ANKRD6: variants seen among roughly 807,000 people sequenced by gnomAD.
ANKRD6 encodes ankyrin repeat domain 6, also known as ankyrin repeat domain-containing protein 6.
In ANKRD6, 56 loss-of-function variants were observed where a neutral mutation model predicts 82.3. The observed-to-expected ratio is 0.68, with a 90% confidence interval of 0.55 to 0.85. ANKRD6 has a LOEUF of 0.85. Ranked by LOEUF, ANKRD6 falls within the 40% of genes least tolerant of loss-of-function variation. ANKRD6 has a pLI of 0.00. For missense variants in ANKRD6, 852 were observed against 907.6 expected, an observed-to-expected ratio of 0.94 and a Z score of 0.79; for synonymous variants, 347 against 352.1, an observed-to-expected ratio of 0.99 and a Z score of 0.16.
intron 9 of ANKRD6, 72 bp from the exon 10 acceptor site, chr6:89,621,850 G>A: frequency 6.8e-7 from 1 of 1,460,544 alleles, no homozygotes; most frequent in Non-Finnish European, 9.5e-7. Flanking sequence ...AGAGCCCCAG[G>A]TCCAAGGAGA....
intron 3 of ANKRD6, among the ~76,000 whole-genome samples, chr6:89,600,423 A>C (rs1796868608): frequency 6.6e-6 from 1 of 152,226 alleles, no homozygotes; most frequent in Non-Finnish European, 1.5e-5. Context: ...CCATATGCTC[A>C]GGGCTTGTTG....
intron 1 of ANKRD6, among the ~76,000 whole-genome samples, chr6:89,518,137 T>C (rs1215664491): frequency 2.0e-5 from 3 of 152,094 alleles, no homozygotes; most frequent in African/African-American, 7.2e-5. Flanking sequence ...GCGTGGTGGC[T>C]CACGCCTGTG....
chr6:89,595,098 T>A (rs371319722), intron 2 of ANKRD6, among the ~76,000 whole-genome samples: 8 of 152,242 alleles, frequency 5.3e-5, no homozygotes, highest in African/African-American at 1.9e-4. Flanking sequence ...TCATGGTGGC[T>A]CATGCCTGTA....
At chr6:89,564,600 C>A (rs1788068970) in intron 1 of ANKRD6, among the ~76,000 whole-genome samples, 1 of 152,040 alleles carries the variant, frequency 6.6e-6, no homozygotes, top group Non-Finnish European at 1.5e-5. Context: ...CCCCTGCATC[C>A]ATTGCTGAGG....
At position 89,623,730 on chromosome 6, in the gene ANKRD6, CAT is replaced by C. The variant is rs1487813754; in HGVS notation, c.1033-141_1033-140del. 2.3e-5 allele frequency: 29 copies of C among 1,250,538 alleles called. No individual in the cohort carries two copies. In the South Asian group the frequency reaches 3.1e-4, roughly 13 times the overall value. 77.5% of individuals were successfully genotyped at this position (1,250,538 alleles called of 1,614,324 possible). A position where few individuals can be genotyped will look rare whatever the true frequency, so the allele number is the denominator to read the frequency against. The stretch of plus-strand genomic sequence containing the variant: ...GAATGTGCTGATATATTTCTTTTGA[CAT>C]GTGTGGCTTGGAGTAGGACACCATG... On this transcript the variant is annotated intron_variant, in intron 11 of 15. Coordinates refer to ENST00000339746, the MANE Select transcript of ANKRD6 (RefSeq NM_001242809.2).
At chr6:89,528,848 G>A (rs957431671) in intron 1 of ANKRD6, among the ~76,000 whole-genome samples, 4 of 152,206 alleles carry the variant, frequency 2.6e-5, no homozygotes, top group African/African-American at 9.7e-5. Context: ...GGGTGACCAG[G>A]TGTATCATCC....
At chr6:89,619,685 C>T (rs1375548169) in intron 9 of ANKRD6, 7 of 152,194 alleles carry the variant, frequency 4.6e-5, no homozygotes, top group Admixed American at 1.3e-4. Context: ...TTTTTCTCAA[C>T]ACAAACAAGG....
At chr6:89,443,388 A>G (rs1771668967) in intron 1 of ANKRD6, among the ~76,000 whole-genome samples, 1 of 152,198 alleles carries the variant, frequency 6.6e-6, no homozygotes, top group African/African-American at 2.4e-5. Context: ...GCCTTACTCC[A>G]TAGATTCTAA....
intron 1 of ANKRD6, among the ~76,000 whole-genome samples, chr6:89,527,357 G>A (rs557076587): frequency 6.6e-6 from 1 of 152,188 alleles, no homozygotes; most frequent in East Asian, 1.9e-4. Context: ...CACTTTGGGA[G>A]GTGAGGAGGG....
intron 14 of ANKRD6, chr6:89,628,797 A>C (rs1489035125): frequency 3.7e-6 from 1 of 270,420 alleles, no homozygotes; most frequent in Non-Finnish European, 7.1e-6. Context: ...AACAAAAAAA[A>C]AAACTAATAG....
intron 14 of ANKRD6, chr6:89,628,770 C>CAAAA (rs201088314): frequency 6.6e-5 from 16 of 243,016 alleles, no homozygotes; most frequent in Admixed American, 1.7e-4. Flanking sequence ...ACTTCCATCT[C>CAAAA]AAAAAACAAA....
chr6:89,603,342 T>C (rs980110266), intron 4 of ANKRD6, among the ~76,000 whole-genome samples: 5 of 146,148 alleles, frequency 3.4e-5, no homozygotes, highest in African/African-American at 1.3e-4. Context: ...TTTTTTTTTT[T>C]TGGAGAGAGG....
chr6:89,571,689 A>T (rs1789945985), intron 2 of ANKRD6, among the ~76,000 whole-genome samples: 1 of 152,158 alleles, frequency 6.6e-6, no homozygotes, highest in Non-Finnish European at 1.5e-5. Flanking sequence ...TCCCGCCCCT[A>T]AACATGTTTA....
intron 12 of ANKRD6, 53 bp downstream of exon 12, chr6:89,624,110 T>A: frequency 2.6e-6 from 4 of 1,527,628 alleles, no homozygotes; most frequent in Non-Finnish European, 3.5e-6. Context: ...AGCAAGGGTT[T>A]TTGTTTAACG....
intron 1 of ANKRD6, among the ~76,000 whole-genome samples, chr6:89,465,831 C>T (rs1205712480): frequency 3.9e-5 from 6 of 151,972 alleles, no homozygotes; most frequent in Non-Finnish European, 7.4e-5. Context: ...CCAGTGTGCT[C>T]TAGCTTGGGT....
intron 1 of ANKRD6, among the ~76,000 whole-genome samples, chr6:89,545,482 G>A (rs1416638031): frequency 2.0e-5 from 3 of 152,196 alleles, no homozygotes; most frequent in Non-Finnish European, 4.4e-5. Flanking sequence ...AGCTGAGATA[G>A]TGCAGCTGAG....
At chr6:89,504,214 G>A (rs1054318270) in intron 1 of ANKRD6, among the ~76,000 whole-genome samples, 52 of 151,986 alleles carry the variant, frequency 3.4e-4, no homozygotes. Context: ...AGGTGATGGA[G>A]GCCTGCATCA....
chr6:89,591,267 C>T (rs981254002), intron 2 of ANKRD6, among the ~76,000 whole-genome samples: 2 of 152,080 alleles, frequency 1.3e-5, no homozygotes, highest in African/African-American at 4.8e-5. Context: ...CAACACTCAG[C>T]TAATTTTTGT....
At chr6:89,552,349 G>C (rs558316114) in intron 1 of ANKRD6, among the ~76,000 whole-genome samples, 30 of 152,334 alleles carry the variant, frequency 2.0e-4, no homozygotes, top group African/African-American at 7.2e-4. Flanking sequence ...CATGAGTATA[G>C]GAGAGGACCC....
Sources: gnomAD v4.1 joint callset for allele counts (sites outside exome capture counted in the v4.1 genomes callset) on GRCh38, gnomAD v4.1.1 for gene constraint, MANE v1.5 for transcripts, NCBI Gene and HGNC (gene_info 2026-07-23, HGNC 2026-07-21) for gene names.